The following NFKB1 variants were observed in gnomAD, a reference collection of about 807,000 sequenced individuals.
NFKB1 encodes the protein nuclear factor kappa B subunit 1.
A neutral mutation model predicts 105.1 loss-of-function variants in NFKB1; 9 were observed. The ratio of observed to expected loss-of-function variants is 0.09; its 90% CI spans 0.05 to 0.15. The LOEUF is 0.15. Ranked by LOEUF, NFKB1 falls within the 10% of genes least tolerant of loss-of-function variation. NFKB1 has a pLI of 1.00. For missense variants in NFKB1, 830 were observed against 1,203.7 expected, an observed-to-expected ratio of 0.69 and a Z score of 4.59; for synonymous variants, 440 against 442.2, an observed-to-expected ratio of 1.00 and a Z score of 0.06.
At chr4:102,570,621 CT>C in intron 6 of NFKB1, among the ~76,000 whole-genome samples, 1 of 152,118 alleles carries the variant, frequency 6.6e-6, no homozygotes, top group Non-Finnish European at 1.5e-5. Context: ...ATTTTTAGCT[CT>C]TTGAAAAATC....
At chr4:102,522,615 A>T (rs1740642505) in intron 1 of NFKB1, among the ~76,000 whole-genome samples, 1 of 152,196 alleles carries the variant, frequency 6.6e-6, no homozygotes. Flanking sequence ...GCTTTATGTT[A>T]ACTGTTTACA....
At chr4:102,506,040 A>G (rs921513956) in intron 1 of NFKB1, among the ~76,000 whole-genome samples, 15 of 152,226 alleles carry the variant, frequency 9.9e-5, no homozygotes, top group Non-Finnish European at 1.2e-4. Context: ...TAATTTATTA[A>G]AAAGTATCTG....
chr4:102,565,471 A>C (rs1723788757), intron 5 of NFKB1, among the ~76,000 whole-genome samples: 1 of 152,192 alleles, frequency 6.6e-6, no homozygotes, highest in Non-Finnish European at 1.5e-5. Flanking sequence ...GTTGGGAAAA[A>C]GTCCCTACTA....
At chr4:102,576,744 C>A in intron 6 of NFKB1, 132 bp from the exon 7 acceptor site, 2 of 933,204 alleles carry the variant, frequency 2.1e-6, no homozygotes, top group Non-Finnish European at 3.2e-6. Context: ...TGCATGTAGC[C>A]CCAAGAGATT....
intron 23 of NFKB1, among the ~76,000 whole-genome samples, chr4:102,615,490 C>T (rs1728865166): frequency 6.6e-6 from 1 of 152,148 alleles, no homozygotes; most frequent in Non-Finnish European, 1.5e-5. Context: ...CGTCATTGTC[C>T]GCACTTGAGA....
intron 5 of NFKB1, among the ~76,000 whole-genome samples, chr4:102,539,136 C>A (rs1741830504): frequency 6.7e-6 from 1 of 149,734 alleles, no homozygotes; most frequent in Admixed American, 6.7e-5. Context: ...AGTCAGGAGG[C>A]TGAGGCACAA....
At chr4:102,512,510 G>A (rs1322165011) in intron 1 of NFKB1, among the ~76,000 whole-genome samples, 1 of 152,020 alleles carries the variant, frequency 6.6e-6, no homozygotes, top group African/African-American at 2.4e-5. Flanking sequence ...CACCACACCT[G>A]GCAAAATTTT....
chr4:102,533,367 G>A (rs1177827246), intron 3 of NFKB1, among the ~76,000 whole-genome samples: 1 of 152,148 alleles, frequency 6.6e-6, no homozygotes, highest in Admixed American at 6.6e-5. Flanking sequence ...ATACATACAG[G>A]TTGCTAGATC....
At chr4:102,579,154 C>A in intron 8 of NFKB1, 115 bp downstream of exon 8, 2 of 1,008,444 alleles carry the variant, frequency 2.0e-6, no homozygotes, top group Non-Finnish European at 2.8e-6. Context: ...TAAGCCTCAG[C>A]TTTATCATCT....
At chr4:102,524,657 C>A (rs761010393) in intron 1 of NFKB1, among the ~76,000 whole-genome samples, 42 of 152,008 alleles carry the variant, frequency 2.8e-4, no homozygotes, top group Non-Finnish European at 4.7e-4. Flanking sequence ...CAGTAGGAGA[C>A]CTGAGCTGCT....
At position 102,501,639 on chromosome 4, in the gene NFKB1, C is replaced by T. The variant is rs1269789448; in HGVS notation, c.-157C>T. 1 of 149,722 alleles carries T rather than the reference C, an allele frequency of 6.7e-6. No individual in the cohort carries two copies. Among genetic ancestry groups the T allele is most frequent in the African/African-American group, 2.4e-5 (1 of 41,152 alleles). The allele number at this position is 149,722 out of a possible 1,614,324, so 9.3% of individuals were successfully genotyped here. A position where few individuals can be genotyped will look rare whatever the true frequency, so the allele number is the denominator to read the frequency against. On this transcript the variant is annotated 5_prime_UTR_variant, in exon 1 of 24. Transcript: ENST00000226574. ...CGGCGCTGACTGGCCTGGCCCGGCC[C>T]CGCCGCGCTCCCGCTCGCCCCGACC...
intron 5 of NFKB1, among the ~76,000 whole-genome samples, chr4:102,562,194 C>T (rs890714690): frequency 3.3e-5 from 5 of 152,082 alleles, no homozygotes; most frequent in African/African-American, 9.7e-5. Flanking sequence ...AACCCTTTGG[C>T]CTCACCCACC....
At chr4:102,521,628 C>G (rs973107559) in intron 1 of NFKB1, among the ~76,000 whole-genome samples, 2 of 152,136 alleles carry the variant, frequency 1.3e-5, no homozygotes, top group African/African-American at 4.8e-5. Context: ...GTGAATATCT[C>G]TGATCCTAGA....
chr4:102,616,280 C>T (rs1728932206), intron 23 of NFKB1, among the ~76,000 whole-genome samples, 154 bp from the exon 24 acceptor site: 1 of 152,210 alleles, frequency 6.6e-6, no homozygotes, highest in Non-Finnish European at 1.5e-5. Flanking sequence ...ATCTTCTGCC[C>T]TTCCCACCAC....
chr4:102,520,719 T>A (rs1740520110), intron 1 of NFKB1, among the ~76,000 whole-genome samples: 1 of 152,224 alleles, frequency 6.6e-6, no homozygotes, highest in South Asian at 2.1e-4. Context: ...TCAACTTTTC[T>A]TTCATCACCA....
At chr4:102,556,081 G>T (rs1430217565) in intron 5 of NFKB1, among the ~76,000 whole-genome samples, 1 of 152,156 alleles carries the variant, frequency 6.6e-6, no homozygotes. Flanking sequence ...TTGGCAACTG[G>T]TTAAACATAA....
intron 1 of NFKB1, among the ~76,000 whole-genome samples, chr4:102,510,163 C>T (rs1443711505): frequency 6.6e-6 from 1 of 152,186 alleles, no homozygotes; most frequent in Non-Finnish European, 1.5e-5. Flanking sequence ...TCTCACTTGC[C>T]TTTCTGTTTT....
chr4:102,578,960 T>C lies in NFKB1; in HGVS notation c.651T>C (p.Phe217=). Residue 217 remains phenylalanine (F), a synonymous_variant, in exon 8 of 24, where the codon TTT becomes TTC. Coordinates refer to ENST00000226574, the MANE Select transcript of NFKB1 (RefSeq NM_003998.4). ...EMDLSVVRLM[F]TAFLPDSTGS... is the part of the protein sequence containing the mutation. ...ACCTCAGCGTGGTGCGGCTCATGTT[T>C]ACAGCTTTTCTTCCGGATAGCACTG... 6.2e-7 allele frequency: 1 copy of C among 1,614,150 alleles called. No individual in the cohort carries two copies. Among genetic ancestry groups the C allele is most frequent in the East Asian group, 2.2e-5 (1 of 44,888 alleles).
At chr4:102,514,974 T>C (rs1490984724) in intron 1 of NFKB1, among the ~76,000 whole-genome samples, 1 of 152,134 alleles carries the variant, frequency 6.6e-6, no homozygotes, top group Non-Finnish European at 1.5e-5. Flanking sequence ...ACATTTAAAC[T>C]GTGTCTTTAA....
Sources: allele counts gnomAD v4.1 joint callset (sites outside exome capture counted in the v4.1 genomes callset), GRCh38; gene constraint gnomAD v4.1.1; transcripts MANE v1.5; gene names NCBI Gene and HGNC (gene_info 2026-07-23, HGNC 2026-07-21).